The following BABAM2 variants were observed in gnomAD, a reference collection of about 807,000 sequenced individuals.
The protein encoded by BABAM2 is BRISC and BRCA1-A complex member 2.
BABAM2 carries 31 observed loss-of-function variants against 54.7 expected under a neutral mutation model. The observed-to-expected ratio is 0.57, with a 90% CI of 0.43 to 0.77. BABAM2 has a LOEUF of 0.77. BABAM2 is among the 30% of genes least tolerant of loss of function. BABAM2 has a pLI of 0.00. For missense variants in BABAM2, 364 were observed against 455.8 expected (o/e 0.80, Z 1.83); for synonymous variants, 167 against 162.9 (o/e 1.03, Z -0.19).
chr2:28,026,008 A>C (rs1343823058), intron 5 of BABAM2, among the ~76,000 whole-genome samples: 2 of 152,206 alleles, frequency 1.3e-5, no homozygotes, highest in Non-Finnish European at 2.9e-5. Flanking sequence ...TATATGGAGA[A>C]ATGCAAATCA....
At chr2:28,061,848 A>G (rs1468850960) in intron 6 of BABAM2, among the ~76,000 whole-genome samples, 1 of 152,102 alleles carries the variant, frequency 6.6e-6, no homozygotes, top group Non-Finnish European at 1.5e-5. Context: ...CATAAATAGG[A>G]GCACTTCATG....
chr2:28,104,119 G>A (rs1667305049), intron 6 of BABAM2, among the ~76,000 whole-genome samples: 1 of 152,114 alleles, frequency 6.6e-6, no homozygotes, highest in African/African-American at 2.4e-5. Context: ...TACCATTCAG[G>A]ACATAGGCAT....
At chr2:28,180,431 A>G (rs1024106201) in intron 7 of BABAM2, among the ~76,000 whole-genome samples, 1 of 152,126 alleles carries the variant, frequency 6.6e-6, no homozygotes, top group African/African-American at 2.4e-5. Flanking sequence ...GAACGAAACT[A>G]GACCCCTATC....
intron 5 of BABAM2, among the ~76,000 whole-genome samples, chr2:28,041,651 G>T (rs1442472526): frequency 6.6e-6 from 1 of 152,044 alleles, no homozygotes; most frequent in African/African-American, 2.4e-5. Flanking sequence ...ACAGGCACAC[G>T]CCTGCATCAA....
At chr2:28,156,302 A>T (rs967354429) in intron 7 of BABAM2, among the ~76,000 whole-genome samples, 2 of 152,170 alleles carry the variant, frequency 1.3e-5, no homozygotes, top group Non-Finnish European at 2.9e-5. Context: ...GTATTTCTAC[A>T]TGGCTGTCTG....
intron 10 of BABAM2, among the ~76,000 whole-genome samples, chr2:28,276,737 T>A (rs13426181): frequency 0.16 from 23,724 of 152,232 alleles, 2,331 homozygotes; most frequent in African/African-American, 0.28. Flanking sequence ...GAAAATCTTC[T>A]GCCTAAAATA....
chr2:27,935,634 G>A (rs937814532), intron 3 of BABAM2, among the ~76,000 whole-genome samples: 27 of 152,214 alleles, frequency 1.8e-4, no homozygotes, highest in African/African-American at 6.0e-4. Flanking sequence ...AGTTTTGAAA[G>A]AAGTTCTACT....
At chr2:28,060,418 A>C (rs987302349) in intron 6 of BABAM2, among the ~76,000 whole-genome samples, 1 of 152,176 alleles carries the variant, frequency 6.6e-6, no homozygotes, top group African/African-American at 2.4e-5. Context: ...TAAAAGACCA[A>C]ATACTTTCTC....
rs1676632272 is a variant in BABAM2, at chr2:28,036,007, C to G, written c.496-9718C>G. On this transcript the variant is annotated intron_variant, in intron 5 of 11. Coordinates refer to ENST00000379624, the MANE Select transcript of BABAM2 (RefSeq NM_199191.3). ...AGGAAATCCTTTCCATTTCCTTTGC[C>G]TATACTTTTCAGAACAGCATGTGAG... Among the ~76,000 whole-genome samples, 4 of 152,202 alleles carry G rather than the reference C, an allele frequency of 2.6e-5. No individual in the cohort carries two copies. In the South Asian group the frequency reaches 6.2e-4, roughly 24 times the overall value.
intron 7 of BABAM2, among the ~76,000 whole-genome samples, chr2:28,163,030 A>C (rs1673254494): frequency 1.3e-5 from 2 of 152,230 alleles, no homozygotes; most frequent in African/African-American, 4.8e-5. Flanking sequence ...TAGAAAATCA[A>C]AACTAGTACC....
Position 28,078,603 on chromosome 2 carries a change from T to C in BABAM2, c.570+32804T>C, listed in dbSNP as rs187068315. ...CCACTGGCAGGTCTTGGAACATGTT[T>C]CCCATGGATAAGGAAGGACTATTGT... On this transcript the variant is annotated intron_variant, in intron 6 of 11. Transcript: ENST00000379624. 5.3e-3 allele frequency among the ~76,000 whole-genome samples: 812 copies of C among 152,274 alleles called. 5 individuals are homozygous for C. Among genetic ancestry groups the C allele is most frequent in the Non-Finnish European group, 8.6e-3 (584 of 68,006 alleles).
At chr2:28,152,749 A>G (rs1313885248) in intron 7 of BABAM2, among the ~76,000 whole-genome samples, 2 of 152,220 alleles carry the variant, frequency 1.3e-5, no homozygotes, top group African/African-American at 4.8e-5. Flanking sequence ...TGCTGAGTTA[A>G]GGAAGGGAAG....
At chr2:28,241,502 CT>C (rs376402633) in intron 9 of BABAM2, 109 bp downstream of exon 9, 82,254 of 730,842 alleles carry the variant, frequency 0.11, no homozygotes, top group South Asian at 0.17. Context: ...CACATGATAC[CT>C]TTTTTTTTTT....
At chr2:28,278,199 A>G (rs1686041553) in intron 10 of BABAM2, among the ~76,000 whole-genome samples, 1 of 152,190 alleles carries the variant, frequency 6.6e-6, no homozygotes, top group Non-Finnish European at 1.5e-5. Context: ...CCTATTACTG[A>G]TGGAAAGCTT....
intron 10 of BABAM2, 122 bp downstream of exon 10, chr2:28,244,984 T>C: frequency 1.4e-6 from 1 of 715,820 alleles, no homozygotes; most frequent in Non-Finnish European, 2.2e-6. Context: ...AGCGTATATA[T>C]ATATTTATTG....
chr2:28,197,223 A>G (rs1677695000), intron 7 of BABAM2, among the ~76,000 whole-genome samples: 1 of 152,122 alleles, frequency 6.6e-6, no homozygotes, highest in South Asian at 2.1e-4. Context: ...AGGTATAGAA[A>G]GACTTTCTTT....
At chr2:28,240,882 A>C (rs901183785) in intron 8 of BABAM2, among the ~76,000 whole-genome samples, 3 of 151,810 alleles carry the variant, frequency 2.0e-5, no homozygotes, top group Non-Finnish European at 4.4e-5. Context: ...AAAAAAAAAA[A>C]AAACAAAAAA....
intron 7 of BABAM2, among the ~76,000 whole-genome samples, chr2:28,202,719 A>T (rs1678409736): frequency 6.6e-6 from 1 of 152,146 alleles, no homozygotes; most frequent in Non-Finnish European, 1.5e-5. Flanking sequence ...AAGAAATGGA[A>T]CCTATGAATA....
At chr2:28,107,251 C>G (rs1667606959) in intron 6 of BABAM2, among the ~76,000 whole-genome samples, 2 of 152,148 alleles carry the variant, frequency 1.3e-5, no homozygotes, top group South Asian at 4.1e-4. Context: ...AGAGCTCCCT[C>G]TTCCACCATG....
Sources: allele counts gnomAD v4.1 joint callset (sites outside exome capture counted in the v4.1 genomes callset), GRCh38; gene constraint gnomAD v4.1.1; transcripts MANE v1.5; gene names NCBI Gene and HGNC (gene_info 2026-07-23, HGNC 2026-07-21).